Variants in CASQ2 observed in about 807,000 individuals in gnomAD.
CASQ2 encodes the protein calsequestrin 2.
CASQ2 carries 49 observed loss-of-function variants against 46.5 expected under a neutral mutation model. That is an observed-to-expected ratio of 1.05 (90% confidence interval 0.84 to 1.34). The LOEUF (loss-of-function observed/expected upper bound fraction) is 1.34, where lower values mean the gene tolerates loss of function less well. CASQ2 is among the 40% of genes most tolerant of loss of function. CASQ2 has a pLI of 0.00. For synonymous variants in CASQ2, 174 were observed against 168.5 expected (o/e 1.03, Z -0.25); for missense variants, 486 against 481.3 (o/e 1.01, Z -0.09).
chr1:115,724,577 T>C (rs1455409496), intron 7 of CASQ2, among the ~76,000 whole-genome samples: 1 of 152,236 alleles, frequency 6.6e-6, no homozygotes, highest in Non-Finnish European at 1.5e-5. Context: ...ATTTATGAAC[T>C]TCTGTACATA....
At position 115,727,062 on chromosome 1, in the gene CASQ2, C is replaced by T. The variant is rs748437580; in HGVS notation, c.667G>A (p.Glu223Lys). 8 of 1,613,334 alleles carry T rather than the reference C, an allele frequency of 5.0e-6. No individual in the cohort carries two copies. The highest frequency in any genetic ancestry group is 2.2e-5 in the East Asian group (1 of 44,866). ...GGTTTGTTGGGGATGGCAATGGGCT[C>T]ATCCATAAATGGCTCATAGAAGTCA... is the stretch of plus-strand genomic sequence containing the variant. The part of the protein sequence containing the change: ...EVDFYEPFMD[E>K]PIAIPNKPYT... Residue 223 changes from glutamate to lysine, a missense_variant, in exon 6 of 11, where the codon GAG becomes AAG. Transcript: ENST00000261448.
At position 115,754,424 on chromosome 1, in the gene CASQ2, C is replaced by T. The variant is rs144238780; in HGVS notation, c.235-9512G>A. On this transcript the variant is annotated intron_variant, in intron 1 of 10. Transcript: ENST00000261448. ...TTTTCCACCCCACAATTCTGAGAGG[C>T]TATATAACAACAACAATTTTTAAAA... is the stretch of plus-strand genomic sequence containing the variant. 7.2e-4 allele frequency among the ~76,000 whole-genome samples: 109 copies of T among 152,230 alleles called. 1 individual carries two copies. The highest frequency in any genetic ancestry group is 2.4e-3 in the African/African-American group (98 of 41,522).
At chr1:115,708,493 G>A (rs1324301438) in intron 8 of CASQ2, among the ~76,000 whole-genome samples, 1 of 152,136 alleles carries the variant, frequency 6.6e-6, no homozygotes, top group Non-Finnish European at 1.5e-5. Flanking sequence ...AATGACCTTG[G>A]CCAAGGTCGT....
chr1:115,756,862 G>A (rs753234655), intron 1 of CASQ2, among the ~76,000 whole-genome samples: 5 of 152,148 alleles, frequency 3.3e-5, no homozygotes, highest in Admixed American at 6.5e-5. Context: ...CAGAAGAATC[G>A]CTTGAACCCG....
At position 115,765,473 on chromosome 1, in the gene CASQ2, C is replaced by T. The variant is rs114083532; in HGVS notation, c.234+2835G>A. ...TGTGAGGAGCTATGAGTTTCTAATTCCTAGAAATTCCTCAGGTGTTTCAGC... is the reference window on the plus strand; with the variant it reads ...TGTGAGGAGCTATGAGTTTCTAATTTCTAGAAATTCCTCAGGTGTTTCAGC... On this transcript the variant is annotated intron_variant, in intron 1 of 10. Coordinates refer to ENST00000261448, the MANE Select transcript of CASQ2 (RefSeq NM_001232.4). 8.6e-3 allele frequency among the ~76,000 whole-genome samples: 1,307 copies of T among 152,130 alleles called. 22 individuals carry two copies. The highest frequency in any genetic ancestry group is 0.029 in the African/African-American group (1,195 of 41,490).
chr1:115,713,316 G>A (rs1198440583), intron 8 of CASQ2, among the ~76,000 whole-genome samples: 2 of 152,228 alleles, frequency 1.3e-5, no homozygotes, highest in Admixed American at 6.5e-5. Context: ...GAGGAAGACT[G>A]GCAGCACCAC....
chr1:115,721,782 G>C (rs1030574499), intron 7 of CASQ2, among the ~76,000 whole-genome samples: 3 of 152,096 alleles, frequency 2.0e-5, no homozygotes, highest in South Asian at 4.2e-4. Flanking sequence ...TGTTGCCCAG[G>C]CTGCTCTCGA....
At chr1:115,753,172 G>A (rs150604538) in intron 1 of CASQ2, among the ~76,000 whole-genome samples, 148 of 152,306 alleles carry the variant, frequency 9.7e-4, no homozygotes, top group Non-Finnish European at 2.0e-3. Context: ...CGGAGGTGCT[G>A]ATCTAGGGCT....
At chr1:115,750,405 C>G (rs1648537664) in intron 1 of CASQ2, among the ~76,000 whole-genome samples, 1 of 152,208 alleles carries the variant, frequency 6.6e-6, no homozygotes, top group South Asian at 2.1e-4. Flanking sequence ...GGGCATTGGT[C>G]AGTGCTCATT....
chr1:115,758,543 TG>T (rs771138407), intron 1 of CASQ2, among the ~76,000 whole-genome samples: 23 of 152,340 alleles, frequency 1.5e-4, no homozygotes, highest in Non-Finnish European at 2.5e-4. Context: ...CATTAAAATT[TG>T]ATCCCCAATG....
chr1:115,712,569 GGGTTGTTGCAAA>G (rs1292637477), intron 8 of CASQ2, among the ~76,000 whole-genome samples: 3 of 152,050 alleles, frequency 2.0e-5, no homozygotes, highest in Admixed American at 6.5e-5. Context: ...CTAACACGTC[GGGTTGTTGCAAA>G]GGTTAAATAT....
chr1:115,723,088 T>C (rs999295104), intron 7 of CASQ2, among the ~76,000 whole-genome samples: 1 of 151,928 alleles, frequency 6.6e-6, no homozygotes, highest in Admixed American at 6.6e-5. Flanking sequence ...AAGAGAAACA[T>C]AGGCAAATGT....
At chr1:115,753,988 C>T (rs185656057) in intron 1 of CASQ2, among the ~76,000 whole-genome samples, 56 of 152,256 alleles carry the variant, frequency 3.7e-4, no homozygotes, top group Non-Finnish European at 5.9e-4. Context: ...TGGCTGTAAC[C>T]CTGCTCTTTT....
chr1:115,725,396 T>A (rs1647545100), intron 7 of CASQ2, 112 bp downstream of exon 7: 2 of 1,188,862 alleles, frequency 1.7e-6, no homozygotes, highest in Non-Finnish European at 2.5e-6. Flanking sequence ...CATCTAGACA[T>A]CCACCTCAGC....
chr1:115,705,398 C>T, intron 8 of CASQ2, 106 bp from the exon 9 acceptor site: 1 of 742,592 alleles, frequency 1.3e-6, no homozygotes, highest in Non-Finnish European at 2.4e-6. Context: ...ACATTTGGTG[C>T]TCACCCTCAA....
chr1:115,764,978 T>C (rs1004321944), intron 1 of CASQ2, among the ~76,000 whole-genome samples: 4 of 152,196 alleles, frequency 2.6e-5, no homozygotes, highest in African/African-American at 9.6e-5. Context: ...TGAGGCCCTC[T>C]TGGCCAAATT....
chr1:115,723,893 A>G (rs1365157061), intron 7 of CASQ2, among the ~76,000 whole-genome samples: 4 of 152,114 alleles, frequency 2.6e-5, no homozygotes, highest in South Asian at 2.1e-4. Context: ...GTTTGTTTCT[A>G]TTGTGCTGAG....
rs547252803 is a variant in CASQ2, at chr1:115,709,993, C to A, written c.839-4701G>T. ...AAGTAGCTGGGACCAGAGGCACACA[C>A]CACCATGCAGTTAATTTTTTTATTA... is the stretch of plus-strand genomic sequence containing the variant. On this transcript the variant is annotated intron_variant, in intron 8 of 10. Coordinates refer to ENST00000261448, the MANE Select transcript of CASQ2 (RefSeq NM_001232.4). Among the ~76,000 whole-genome samples the A allele has an allele frequency of 6.1e-4, 92 of 151,936 alleles. 1 individual carries two copies. Among genetic ancestry groups the A allele is most frequent in the Non-Finnish European group, 1.1e-3 (73 of 68,022 alleles).
chr1:115,734,522 C>T (rs1019648456), intron 4 of CASQ2, among the ~76,000 whole-genome samples: 2 of 152,180 alleles, frequency 1.3e-5, no homozygotes, highest in African/African-American at 4.8e-5. Flanking sequence ...TAGCCTCAGC[C>T]AAACAGCAGT....
Sources: gnomAD v4.1 joint callset for allele counts (sites outside exome capture counted in the v4.1 genomes callset) on GRCh38, gnomAD v4.1.1 for gene constraint, MANE v1.5 for transcripts, NCBI Gene and HGNC (gene_info 2026-07-23, HGNC 2026-07-21) for gene names.